MUC5AC: variants seen among roughly 807,000 people sequenced by gnomAD.
The protein encoded by MUC5AC is mucin-5AC.
MUC5AC carries 158 observed loss-of-function variants against 169.7 expected under a neutral mutation model. The ratio of observed to expected loss-of-function variants is 0.93; its 90% confidence interval spans 0.82 to 1.06. The LOEUF (loss-of-function observed/expected upper bound fraction) is 1.06. Among genes scored for constraint, MUC5AC ranks in the 50% least tolerant of loss-of-function variants. The pLI, the probability that MUC5AC is intolerant of heterozygous loss-of-function variation, is 0.00. For missense variants in MUC5AC, 4,359 were observed against 3,089.9 expected (o/e 1.41, Z -9.74); for synonymous variants, 1,975 against 1,237.0 (o/e 1.60, Z -12.52).
chr11:1,169,866 CCACTCACCCACT>C (rs1323087752), intron 15 of MUC5AC, among the ~76,000 whole-genome samples: 6 of 125,718 alleles, frequency 4.8e-5, no homozygotes, highest in South Asian at 3.0e-4. Flanking sequence ...ACCCATTCAC[CCACTCACCCACT>C]CACTCACCCA....
rs1564912121 is a variant in MUC5AC at position 1,179,249 on chromosome 11, G to A, written c.3484+1G>A. The stretch of plus-strand genomic sequence containing the variant: ...TCCTGGCGGACCCCGAGCATCTGCC[G>A]TGAGTGCGAGTGGGCACCTGGGGAA... On this transcript the variant is annotated splice_donor_variant, in intron 26 of 48. Transcript: ENST00000621226. LOFTEE classifies it high-confidence loss of function. 1.4e-5 allele frequency: 8 copies of A among 566,756 alleles called. No homozygotes were observed. Among genetic ancestry groups the A allele is most frequent in the South Asian group, 1.1e-4 (5 of 45,722 alleles). The allele number at this position is 566,756 out of a possible 1,614,324, so 35.1% of individuals were successfully genotyped here. A position where few individuals can be genotyped will look rare whatever the true frequency, so the allele number is the denominator to read the frequency against.
At position 1,162,535 on chromosome 11, in the gene MUC5AC, C is replaced by T. The variant is rs1051725976; in HGVS notation, c.477C>T (p.Val159=). The change falls in exon 5 of 49, where the codon GTC becomes GTT. Residue 159 remains valine (V), a synonymous_variant. Transcript: ENST00000621226. The stretch of plus-strand genomic sequence containing the variant: ...TCAGCCCTGCCTTCCTCCACAGGGT[C>T]CTGCTGCCCTTCAGCCAGTCTGGGG... ...KGSVLVNGHP[V]LLPFSQSGVL... The T allele has an allele frequency of 6.2e-7, 1 of 1,612,346 alleles. No individual in the cohort carries two copies. The highest frequency in any genetic ancestry group is 8.5e-7 in the Non-Finnish European group (1 of 1,179,728).
At chr11:1,196,776 G>T in intron 39 of MUC5AC, 56 bp downstream of exon 39, 1 of 730,562 alleles carries the variant, frequency 1.4e-6, no homozygotes. Context: ...TGTGACTGTT[G>T]GCCAGGTCCT....
Position 1,165,381 on chromosome 11 carries a change from T to A in MUC5AC, c.1209T>A (p.Tyr403Ter). 1 of 1,612,448 alleles carries A rather than the reference T, an allele frequency of 6.2e-7. No individual in the cohort carries two copies. Among genetic ancestry groups the A allele is most frequent in the Non-Finnish European group, 8.5e-7 (1 of 1,179,710 alleles). Reference protein sequence around the residue: ...KCACVYNGAAYAPGATYSTDC... With the variant: ...KCACVYNGAA ...CCTGCGTCTACAACGGGGCTGCCTA[T>A]GCCCCAGGGGCCACCTACTCCACAG... Residue 403 changes from tyrosine to a stop codon, truncating the protein, a stop_gained, in exon 10 of 49, where the codon TAT becomes TAA. Transcript: ENST00000621226. LOFTEE classifies it high-confidence loss of function.
chr11:1,176,676 G>T lies in MUC5AC; in HGVS notation c.2654+11G>T. On this transcript the variant is annotated intron_variant, in intron 21 of 48. Coordinates refer to ENST00000621226, the MANE Select transcript of MUC5AC (RefSeq NM_001304359.2). ...GGGCTGCAACACCTGGTATGCCGGGGGCTCAAAGCCCATGGGGGGTGTCAG... is the reference window on the plus strand; with the variant it reads ...GGGCTGCAACACCTGGTATGCCGGGTGCTCAAAGCCCATGGGGGGTGTCAG... 2 of 398,698 alleles carry T rather than the reference G, an allele frequency of 5.0e-6. No individual in the cohort carries two copies. The allele number at this position is 398,698 out of a possible 1,614,324, so 24.7% of individuals were successfully genotyped here. A position where few individuals can be genotyped will look rare whatever the true frequency, so the allele number is the denominator to read the frequency against.
rs767850547 is a variant in MUC5AC, at chr11:1,197,645, C to A, written c.16033+6C>A. 2.4e-5 allele frequency: 17 copies of A among 698,174 alleles called. No individual in the cohort carries two copies. In the Admixed American group the frequency reaches 3.1e-4, roughly 13 times the overall value. 43.2% of individuals were successfully genotyped at this position (698,174 alleles called of 1,614,324 possible). ...CTGCCCCCAGTACAGCTGCGGTAAG[C>A]CCTTTGCTGGGTGAGGGGCATGGTG... On this transcript the variant is annotated splice_donor_region_variant and intron_variant, in intron 41 of 48. Coordinates refer to ENST00000621226, the MANE Select transcript of MUC5AC (RefSeq NM_001304359.2).
Position 1,168,000 on chromosome 11 carries a change from T to G in MUC5AC, c.1497+13T>G, listed in dbSNP as rs28663568. The G allele has an allele frequency of 0.24, 366,492 of 1,547,278 alleles. 49,817 individuals are homozygous for G. Among genetic ancestry groups the G allele is most frequent in the African/African-American group, 0.57 (41,547 of 73,048 alleles). ...TGGGGCGCAGACGGTGAGTGGAGCCTGGCAGGGCAAACCCCGGGAAGAGGG... is the reference window on the plus strand; with the variant it reads ...TGGGGCGCAGACGGTGAGTGGAGCCGGGCAGGGCAAACCCCGGGAAGAGGG... On this transcript the variant is annotated intron_variant, in intron 12 of 48. Coordinates refer to ENST00000621226, the MANE Select transcript of MUC5AC (RefSeq NM_001304359.2).
intron 1 of MUC5AC, 120 bp from the exon 2 acceptor site, chr11:1,160,492 G>A (rs897152137): frequency 2.0e-5 from 16 of 785,400 alleles, no homozygotes; most frequent in South Asian, 6.3e-5. Flanking sequence ...CCCTTGCCAC[G>A]GGCCACCCCC....
chr11:1,183,273 C>A lies in MUC5AC; in HGVS notation c.5128C>A (p.Pro1710Thr). ...CCAGACCACCTTCACCACACACATG[C>A]CCTCGGCCTCCACAGAGCAACCCAC... is the stretch of plus-strand genomic sequence containing the variant. ...QTQTTFTTHM[P>T]SASTEQPTAT... Residue 1710 changes from proline (P) to threonine (T), a missense_variant, in exon 31 of 49, where the codon CCC becomes ACC. By Grantham distance (38) the Pro-to-Thr change is conservative (BLOSUM62 -1). Coordinates refer to ENST00000621226, the MANE Select transcript of MUC5AC (RefSeq NM_001304359.2). 1 of 414,566 alleles carries A rather than the reference C, an allele frequency of 2.4e-6. No homozygotes were observed. Among genetic ancestry groups the A allele is most frequent in the East Asian group, 3.5e-5 (1 of 28,690 alleles). The allele number at this position is 414,566 out of a possible 1,614,324, so 25.7% of individuals were successfully genotyped here.
chr11:1,196,353 C>T, intron 37 of MUC5AC, 35 bp from the exon 38 acceptor site: 1 of 763,400 alleles, frequency 1.3e-6, no homozygotes, highest in South Asian at 1.3e-5. Flanking sequence ...TGGGTGCCCT[C>T]CCACCCTCTC....
intron 9 of MUC5AC, 149 bp from the exon 10 acceptor site, chr11:1,165,153 G>A (rs1244587556): frequency 1.8e-5 from 13 of 705,598 alleles, no homozygotes; most frequent in African/African-American, 5.5e-5. Context: ...CCCCTGTCCC[G>A]GGCCCCTGAG....
At chr11:1,160,059 T>C (rs1441145392) in intron 1 of MUC5AC, among the ~76,000 whole-genome samples, 1 of 151,608 alleles carries the variant, frequency 6.6e-6, no homozygotes, top group African/African-American at 2.4e-5. Context: ...CCCACTATGC[T>C]GGCTCTGTGC....
chr11:1,177,577 G>A lies in MUC5AC; in HGVS notation c.3031G>A (p.Val1011Met). ...GGTGGTGGACACCGACATTGGCCTGGTGCTGCTGTGGGACAAGAAGACCAG... is the reference window on the plus strand; with the variant it reads ...GGTGGTGGACACCGACATTGGCCTGATGCTGCTGTGGGACAAGAAGACCAG... ...YLVVDTDIGL[V>M]LLWDKKTSIF... is the part of the protein sequence containing the mutation. The change falls in exon 24 of 49, where the codon GTG becomes ATG. Residue 1011 changes from valine (V) to methionine (M), a missense_variant. Coordinates refer to ENST00000621226, the MANE Select transcript of MUC5AC (RefSeq NM_001304359.2). 1 of 398,826 alleles carries A rather than the reference G, an allele frequency of 2.5e-6. No homozygotes were observed. Among genetic ancestry groups the A allele is most frequent in the African/African-American group, 2.1e-5 (1 of 48,756 alleles). The allele number at this position is 398,826 out of a possible 1,614,324, so 24.7% of individuals were successfully genotyped here.
Position 1,191,039 on chromosome 11 carries a change from C to A in MUC5AC, c.12894C>A (p.Ser4298Arg). ...SMTSGPGTTP[S>R]PVPTTSTTSA... is the part of the protein sequence containing the mutation. ...CCTCTGGTCCTGGAACTACTCCCAG[C>A]CCTGTTCCCACCACCAGCACAACCT... The change falls in exon 31 of 49, where the codon AGC (serine) becomes AGA (arginine). Residue 4298 changes from serine (S) to arginine (R), a missense_variant. By Grantham distance (110) the Ser-to-Arg change is moderately radical (BLOSUM62 -1). Coordinates refer to ENST00000621226, the MANE Select transcript of MUC5AC (RefSeq NM_001304359.2). 1.3e-6 allele frequency: 1 copy of A among 758,112 alleles called. No homozygotes were observed. Among genetic ancestry groups the A allele is most frequent in the Non-Finnish European group, 2.4e-6 (1 of 415,234 alleles). The allele number at this position is 758,112 out of a possible 1,614,324, so 47.0% of individuals were successfully genotyped here.
chr11:1,158,354 T>C (rs1860024503), intron 1 of MUC5AC, among the ~76,000 whole-genome samples: 1 of 152,192 alleles, frequency 6.6e-6, no homozygotes, highest in Non-Finnish European at 1.5e-5. Context: ...CCCGGATCCC[T>C]GCACCTGTCC....
Position 1,173,437 on chromosome 11 carries a change from CCACTCATCCACTCACT to C in MUC5AC, c.1965+933_1965+948del, listed in dbSNP as rs1409337674. The stretch of plus-strand genomic sequence containing the variant: ...TTCCTTCACCTACTCATTCATTCAT[CCACTCATCCACTCACT>C]CACTCATCCACTCACTCATCCACTC... On this transcript the variant is annotated intron_variant, in intron 16 of 48. Coordinates refer to ENST00000621226, the MANE Select transcript of MUC5AC (RefSeq NM_001304359.2). Among the ~76,000 whole-genome samples the C allele has an allele frequency of 6.3e-5, 9 of 142,466 alleles. No homozygotes were observed. The East Asian group carries it at 1.2e-3, about 19-fold the overall frequency. The allele number at this position is 142,466 out of a possible 152,430, so 93.5% of individuals were successfully genotyped here.
chr11:1,188,138 A>C lies in MUC5AC; in HGVS notation c.9993A>C (p.Thr3331=). Residue 3331 remains threonine, a synonymous_variant, in exon 31 of 49, where the codon ACA becomes ACC. Transcript: ENST00000621226. ...ETPKGCPVTS[T]PVTAPSTPSG... is the part of the protein sequence containing the mutation. ...CTAAAGGTTGCCCCGTGACCTCCACACCTGTGACAGCTCCTAGCACCCCTA... is the reference window on the plus strand; with the variant it reads ...CTAAAGGTTGCCCCGTGACCTCCACCCCTGTGACAGCTCCTAGCACCCCTA... 1.4e-6 allele frequency: 1 copy of C among 724,434 alleles called. No individual in the cohort carries two copies. Among genetic ancestry groups the C allele is most frequent in the South Asian group, 1.5e-5 (1 of 67,616 alleles). The allele number at this position is 724,434 out of a possible 1,614,324, so 44.9% of individuals were successfully genotyped here. A position where few individuals can be genotyped will look rare whatever the true frequency, so the allele number is the denominator to read the frequency against.
chr11:1,162,242 G>A (rs1860165467), intron 4 of MUC5AC, 74 bp downstream of exon 4: 3 of 1,556,038 alleles, frequency 1.9e-6, no homozygotes, highest in African/African-American at 1.3e-5. Context: ...GCGGGGTTTC[G>A]CGGTCCTGGG....
At chr11:1,197,288 A>G (rs927685903) in intron 40 of MUC5AC, among the ~76,000 whole-genome samples, 180 bp from the exon 41 acceptor site, 1 of 152,136 alleles carries the variant, frequency 6.6e-6, no homozygotes, top group South Asian at 2.1e-4. Flanking sequence ...CACCTTGCAG[A>G]GCTTTGTGCC....
Sources: gnomAD v4.1 joint callset for allele counts (sites outside exome capture counted in the v4.1 genomes callset) on GRCh38, gnomAD v4.1.1 for gene constraint, MANE v1.5 for transcripts, NCBI Gene and HGNC (gene_info 2026-07-23, HGNC 2026-07-21) for gene names.